FRMPD4: variants seen among roughly 807,000 people sequenced by gnomAD.
The protein encoded by FRMPD4 is FERM and PDZ domain-containing protein 4.
A neutral mutation model predicts 94.1 loss-of-function variants in FRMPD4; 22 were observed. The observed-to-expected ratio is 0.23, with a 90% CI of 0.17 to 0.33. The LOEUF (loss-of-function observed/expected upper bound fraction) is 0.33, where lower values mean the gene tolerates loss of function less well. Among genes scored for constraint, FRMPD4 ranks in the 10% least tolerant of loss-of-function variants. FRMPD4 has a pLI of 1.00. For missense variants in FRMPD4, 1,111 were observed against 1,339.9 expected (o/e 0.83, Z 2.67); for synonymous variants, 631 against 548.6 (o/e 1.15, Z -2.10).
chrX:12,103,072 C>G (rs969208950), intron 3 of FRMPD4, among the ~76,000 whole-genome samples: 1 of 111,332 alleles, frequency 9.0e-6, no homozygotes, highest in African/African-American at 3.3e-5. Context: ...TCTGAGATTC[C>G]CCCAGGAAGT....
At chrX:12,366,513 G>T (rs2056082123) in intron 1 of FRMPD4, among the ~76,000 whole-genome samples, 1 of 111,953 alleles carries the variant, frequency 8.9e-6, no homozygotes, top group Non-Finnish European at 1.9e-5. Context: ...TGCAGCAGTT[G>T]TCCAGAATAG....
At chrX:11,973,385 A>C (rs776277010) in intron 3 of FRMPD4, among the ~76,000 whole-genome samples, 115 of 112,145 alleles carry the variant, frequency 1.0e-3, no homozygotes, top group Non-Finnish European at 1.2e-3. Context: ...GTATAAATCC[A>C]TCTCCAGGTA....
intron 2 of FRMPD4, among the ~76,000 whole-genome samples, chrX:12,605,214 G>A (rs373642389): frequency 8.9e-5 from 10 of 112,000 alleles, no homozygotes; most frequent in African/African-American, 2.9e-4. Context: ...ACTAGAAAGT[G>A]TCACCTACTT....
chrX:12,653,125 C>T (rs929574465), intron 4 of FRMPD4, among the ~76,000 whole-genome samples: 14 of 111,947 alleles, frequency 1.3e-4, no homozygotes, highest in Non-Finnish European at 2.1e-4. Flanking sequence ...CTTGTTTCCT[C>T]ATCAGTAAAA....
chrX:11,974,130 T>C (rs1222411315), intron 3 of FRMPD4, among the ~76,000 whole-genome samples: 1 of 111,465 alleles, frequency 9.0e-6, no homozygotes, highest in Non-Finnish European at 1.9e-5. Flanking sequence ...AGGTTCAATA[T>C]GGCTATAGTT....
intron 11 of FRMPD4, among the ~76,000 whole-genome samples, chrX:12,706,471 G>T (rs972577721): frequency 1.8e-5 from 2 of 111,538 alleles, no homozygotes; most frequent in African/African-American, 6.5e-5. Context: ...GTCCCTAATT[G>T]CAAGTAGAAG....
intron 2 of FRMPD4, among the ~76,000 whole-genome samples, chrX:12,522,765 G>A (rs2058178518): frequency 1.8e-5 from 2 of 109,640 alleles, no homozygotes; most frequent in African/African-American, 3.3e-5. Flanking sequence ...ACCATGCCTG[G>A]CTAATTTTTG....
intron 3 of FRMPD4, among the ~76,000 whole-genome samples, chrX:12,047,962 T>G (rs1254402772): frequency 8.9e-6 from 1 of 112,933 alleles, no homozygotes; most frequent in Non-Finnish European, 1.9e-5. Context: ...AATGAACATG[T>G]GAGTGCATTT....
intron 3 of FRMPD4, among the ~76,000 whole-genome samples, chrX:12,122,788 A>C (rs1383268805): frequency 8.9e-6 from 1 of 111,762 alleles, no homozygotes; most frequent in Admixed American, 9.5e-5. Flanking sequence ...GCCTACAGTT[A>C]AGTATCAAAA....
chrX:12,639,068 T>C (rs1453888357), intron 4 of FRMPD4, among the ~76,000 whole-genome samples: 1 of 111,912 alleles, frequency 8.9e-6, no homozygotes, highest in Non-Finnish European at 1.9e-5. Flanking sequence ...TCCTTCCACA[T>C]GGATACTGTT....
chrX:12,661,117 C>G (rs1456020569), intron 4 of FRMPD4, among the ~76,000 whole-genome samples: 2 of 42,442 alleles, frequency 4.7e-5, no homozygotes, highest in Non-Finnish European at 7.3e-5. Context: ...AAAGCTATCT[C>G]TATCTCTACA....
chrX:12,347,026 C>G (rs1210553176), intron 1 of FRMPD4, among the ~76,000 whole-genome samples: 1 of 111,335 alleles, frequency 9.0e-6, no homozygotes, highest in East Asian at 2.8e-4. Flanking sequence ...TATAGTGATT[C>G]ATCCTGGTTG....
chrX:11,882,070 G>A (rs1412542257), intron 3 of FRMPD4, among the ~76,000 whole-genome samples: 1 of 111,693 alleles, frequency 9.0e-6, no homozygotes, highest in Non-Finnish European at 1.9e-5. Context: ...CATTTTCTAT[G>A]TGTGCCAAGA....
At chrX:11,922,312 C>T (rs1045327443) in intron 3 of FRMPD4, among the ~76,000 whole-genome samples, 6 of 110,956 alleles carry the variant, frequency 5.4e-5, no homozygotes, top group East Asian at 2.8e-4. Flanking sequence ...AGCAAGAGAG[C>T]GGGTGTGGGG....
At chrX:12,348,699 C>T (rs1396578269) in intron 1 of FRMPD4, among the ~76,000 whole-genome samples, 1 of 110,248 alleles carries the variant, frequency 9.1e-6, no homozygotes, top group Admixed American at 9.6e-5. Context: ...TAATTGAAAC[C>T]AAATGAAAGT....
At chrX:12,247,714 A>G (rs2053975604) in intron 1 of FRMPD4, among the ~76,000 whole-genome samples, 1 of 112,071 alleles carries the variant, frequency 8.9e-6, no homozygotes, top group Non-Finnish European at 1.9e-5. Flanking sequence ...GAAATTTGTT[A>G]AACAAAATTG....
intron 1 of FRMPD4, among the ~76,000 whole-genome samples, chrX:12,261,265 A>C (rs1042203872): frequency 5.0e-4 from 56 of 112,252 alleles, no homozygotes; most frequent in African/African-American, 1.7e-3. Context: ...AAATCTGTGA[A>C]AATTATATTT....
At chrX:12,717,194 A>C in intron 15 of FRMPD4, 61 bp downstream of exon 15, 1 of 793,156 alleles carries the variant, frequency 1.3e-6, no homozygotes, top group Non-Finnish European at 1.8e-6. Context: ...CTTCCAAGCC[A>C]TTTGCCCCTG....
At chrX:11,925,926 C>T (rs1464390739) in intron 3 of FRMPD4, among the ~76,000 whole-genome samples, 3 of 111,226 alleles carry the variant, frequency 2.7e-5, no homozygotes, top group Non-Finnish European at 3.8e-5. Context: ...ACATGAAAAA[C>T]CATTCACAAG....
Sources: allele counts gnomAD v4.1 joint callset (sites outside exome capture counted in the v4.1 genomes callset), GRCh38; gene constraint gnomAD v4.1.1; transcripts MANE v1.5; gene names NCBI Gene and HGNC (gene_info 2026-07-23, HGNC 2026-07-21).